Variants in MX1 observed in about 807,000 individuals in gnomAD.
MX1 encodes MX dynamin like GTPase 1, also known as interferon-induced GTP-binding protein Mx1.
A neutral mutation model predicts 66.4 loss-of-function variants in MX1; 66 were observed. The observed-to-expected ratio is 0.99, with a 90% CI of 0.82 to 1.22. The LOEUF (loss-of-function observed/expected upper bound fraction) is 1.22. MX1 is among the 50% of genes most tolerant of loss of function. MX1 has a pLI of 0.00. For missense variants in MX1, 787 were observed against 834.3 expected (o/e 0.94, Z 0.70); for synonymous variants, 311 against 318.1 (o/e 0.98, Z 0.24).
chr21:41,432,183 G>A lies in MX1; in HGVS notation c.105+8G>A, dbSNP rs1568969841. On this transcript the variant is annotated splice_region_variant and intron_variant, in intron 5 of 16. Coordinates refer to ENST00000398598, the MANE Select transcript of MX1 (RefSeq NM_002462.5). ...CAGAAAAATCCAGGCTCGGTAAGTT[G>A]CTCTCTGAAAGTCGCTATCCATGTG... is the stretch of plus-strand genomic sequence containing the variant. 1 of 1,613,352 alleles carries A rather than the reference G, an allele frequency of 6.2e-7. No individual in the cohort carries two copies. The highest frequency in any genetic ancestry group is 8.5e-7 in the Non-Finnish European group (1 of 1,179,708).
chr21:41,439,819 G>A lies in MX1; in HGVS notation c.562G>A (p.Gly188Ser). 1 of 1,613,976 alleles carries A rather than the reference G, an allele frequency of 6.2e-7. No individual in the cohort carries two copies. Residue 188 changes from glycine to serine, a missense_variant, in exon 8 of 17, where the codon GGC becomes AGC. Transcript: ENST00000398598. ...TCCTGGCATAACCAGAGTGGCTGTG[G>A]GCAATCAGCCTGCTGACATTGGGTA... ...DLPGITRVAV[G>S]NQPADIGYKI...
At chr21:41,449,360 A>G in intron 14 of MX1, 65 bp downstream of exon 14, 1 of 1,532,024 alleles carries the variant, frequency 6.5e-7, no homozygotes, top group Non-Finnish European at 8.8e-7. Flanking sequence ...AACCAAAGCC[A>G]GCACCAAACT....
rs764037758 is a variant in MX1, at chr21:41,446,037, T to C, written c.1169T>C (p.Met390Thr). The C allele has an allele frequency of 6.2e-7, 1 of 1,614,154 alleles. No homozygotes were observed. The change falls in exon 13 of 17, where the codon ATG becomes ACG. Residue 390 changes from methionine to threonine, a missense_variant. Coordinates refer to ENST00000398598, the MANE Select transcript of MX1 (RefSeq NM_002462.5). ...TTTAATCAGGACATCACTGCTCTCA[T>C]GCAAGGAGAGGAAACTGTAGGGGAG... Reference protein sequence around the residue: ...NAFNQDITALMQGEETVGEED... With the variant: ...NAFNQDITALTQGEETVGEED...
At chr21:41,431,956 C>A in intron 4 of MX1, 94 bp from the exon 5 acceptor site, 2 of 962,116 alleles carry the variant, frequency 2.1e-6, no homozygotes, top group Non-Finnish European at 3.2e-6. Flanking sequence ...GAGTCCCCAC[C>A]TCCAGGGGCC....
chr21:41,424,602 G>A (rs80298637), upstream of MX1, among the ~76,000 whole-genome samples: 1 of 152,272 alleles, frequency 6.6e-6, no homozygotes, highest in South Asian at 2.1e-4. Flanking sequence ...TGGAGGTGGG[G>A]TGCCAACCGC....
chr21:41,424,401 C>G (rs1412256469), upstream of MX1, among the ~76,000 whole-genome samples: 1 of 152,186 alleles, frequency 6.6e-6, no homozygotes, highest in Non-Finnish European at 1.5e-5. Flanking sequence ...GCACAGGGAG[C>G]TGGCTGGGGG....
rs747879363 is a variant in MX1 at position 41,427,245 on chromosome 21, G to C, written c.-269G>C. ...TGCCGGCCAGGAATCCCAGTGTCAC[G>C]GTGGACACGCCTCCCTCGCGCCCTT... On this transcript the variant is annotated 5_prime_UTR_variant, in exon 2 of 17. Coordinates refer to ENST00000398598, the MANE Select transcript of MX1 (RefSeq NM_002462.5). 2 of 152,276 alleles carry C rather than the reference G, an allele frequency of 1.3e-5. No homozygotes were observed. Among genetic ancestry groups the C allele is most frequent in the Non-Finnish European group, 2.9e-5 (2 of 68,070 alleles). The allele number at this position is 152,276 out of a possible 1,614,324, so 9.4% of individuals were successfully genotyped here. A position where few individuals can be genotyped will look rare whatever the true frequency, so the allele number is the denominator to read the frequency against.
chr21:41,457,347 G>A (rs529842630), intron 16 of MX1, among the ~76,000 whole-genome samples: 1 of 152,226 alleles, frequency 6.6e-6, no homozygotes, highest in East Asian at 1.9e-4. Flanking sequence ...GTTGGATTTG[G>A]GCCTCAGTGG....
At chr21:41,447,538 C>CT (rs1380707136) in intron 13 of MX1, among the ~76,000 whole-genome samples, 1 of 152,074 alleles carries the variant, frequency 6.6e-6, no homozygotes, top group African/African-American at 2.4e-5. Flanking sequence ...GCCACACGGT[C>CT]TATGATTCCA....
At chr21:41,422,765 G>A (rs944939953), upstream of MX1, 21 of 152,214 alleles carry the variant, frequency 1.4e-4, no homozygotes, top group African/African-American at 5.1e-4. Flanking sequence ...GCATAGCGAG[G>A]AGGTGCTGAA....
chr21:41,454,969 C>A (rs1436842876), intron 16 of MX1, among the ~76,000 whole-genome samples: 2 of 151,330 alleles, frequency 1.3e-5, no homozygotes, highest in African/African-American at 4.9e-5. Context: ...TGCAGTGGCA[C>A]AATCTCAGCT....
chr21:41,445,369 C>T (rs779584137), intron 11 of MX1, 79 bp from the exon 12 acceptor site: 4 of 1,540,500 alleles, frequency 2.6e-6, no homozygotes, highest in African/African-American at 2.7e-5. Context: ...AACTCCTCTG[C>T]AGAGGGAGGC....
rs2090491968 is a variant in MX1, at chr21:41,441,026, G to A, written c.730+1G>A. The A allele has an allele frequency of 6.2e-7, 1 of 1,613,206 alleles. No homozygotes were observed. Among genetic ancestry groups the A allele is most frequent in the East Asian group, 2.2e-5 (1 of 44,870 alleles). ...GACCCCGAGGGAGACAGGACCATCG[G>A]TGAGAGTGGGGGAGCCCCACTGTGC... On this transcript the variant is annotated splice_donor_variant, in intron 9 of 16. Coordinates refer to ENST00000398598, the MANE Select transcript of MX1 (RefSeq NM_002462.5). LOFTEE classifies it high-confidence loss of function. This position sits in a 1 kb window ranked among gnomAD's most constrained non-coding sequence, Gnocchi z 4.0.
chr21:41,444,825 T>C (rs1107410), intron 11 of MX1, among the ~76,000 whole-genome samples: 1,570 of 152,240 alleles, frequency 0.01, 28 homozygotes, highest in African/African-American at 0.035. Flanking sequence ...GCTTCATTGC[T>C]GCCTTCTCCT....
At chr21:41,447,410 C>G (rs1374022041) in intron 13 of MX1, among the ~76,000 whole-genome samples, 1 of 152,116 alleles carries the variant, frequency 6.6e-6, no homozygotes, top group Non-Finnish European at 1.5e-5. Context: ...CAAGCTCAGC[C>G]CGTAACACCA....
chr21:41,435,305 T>C (rs907628520), intron 5 of MX1, among the ~76,000 whole-genome samples: 2 of 152,240 alleles, frequency 1.3e-5, no homozygotes, highest in Non-Finnish European at 2.9e-5. Flanking sequence ...TGGTTTTCAT[T>C]AAGTTTGAGG....
chr21:41,433,852 C>G (rs959614383), intron 5 of MX1, among the ~76,000 whole-genome samples: 1 of 152,154 alleles, frequency 6.6e-6, no homozygotes, highest in African/African-American at 2.4e-5. Context: ...TAAATGAAAA[C>G]AAACAAAAAG....
At chr21:41,421,059 G>A (rs1253553724) in intron 1 of MX1, among the ~76,000 whole-genome samples, 4 of 152,252 alleles carry the variant, frequency 2.6e-5, no homozygotes, top group Non-Finnish European at 5.9e-5. Flanking sequence ...ATTTGTGGGT[G>A]TTTCTCCGAG....
At chr21:41,458,450 C>A in intron 16 of MX1, 78 bp from the exon 17 acceptor site, 1 of 1,161,138 alleles carries the variant, frequency 8.6e-7, no homozygotes. Context: ...TGGATCCCCT[C>A]ATGTGCACAT....
Sources: gnomAD v4.1 joint callset for allele counts (sites outside exome capture counted in the v4.1 genomes callset) on GRCh38, gnomAD v4.1.1 for gene constraint, Gnocchi (gnomAD v3.1) non-coding constraint, MANE v1.5 for transcripts, NCBI Gene and HGNC (gene_info 2026-07-23, HGNC 2026-07-21) for gene names.